The following BABAM2 variants were observed in gnomAD, a reference collection of about 807,000 sequenced individuals.
BABAM2 encodes the protein BRISC and BRCA1-A complex member 2.
A neutral mutation model predicts 54.7 loss-of-function variants in BABAM2; 31 were observed. The observed-to-expected ratio is 0.57, with a 90% CI of 0.43 to 0.77. The LOEUF is 0.77. Among genes scored for constraint, BABAM2 ranks in the 30% least tolerant of loss-of-function variants. The probability of loss-of-function intolerance (pLI) is 0.00; values close to 1 mark genes in which losing one functional copy is unlikely to be tolerated. For missense variants in BABAM2, 364 were observed against 455.8 expected, an observed-to-expected ratio of 0.80 and a Z score of 1.83; for synonymous variants, 167 against 162.9, an observed-to-expected ratio of 1.03 and a Z score of -0.19.
chr2:28,173,612 C>T (rs1193404237), intron 7 of BABAM2, among the ~76,000 whole-genome samples: 1 of 152,264 alleles, frequency 6.6e-6, no homozygotes, highest in Admixed American at 6.5e-5. Flanking sequence ...CAGGATCACA[C>T]TGCGTGTGGC....
intron 5 of BABAM2, among the ~76,000 whole-genome samples, chr2:28,036,985 A>G (rs1170088048): frequency 6.6e-6 from 1 of 152,232 alleles, no homozygotes; most frequent in African/African-American, 2.4e-5. Context: ...GTATGTGCTC[A>G]GTAAATATTT....
intron 3 of BABAM2, among the ~76,000 whole-genome samples, chr2:27,983,960 T>G (rs1364693730): frequency 1.4e-5 from 2 of 143,810 alleles, no homozygotes; most frequent in Non-Finnish European, 3.0e-5. Flanking sequence ...TTTTTTTTTT[T>G]TGCCAAATTG....
intron 7 of BABAM2, among the ~76,000 whole-genome samples, chr2:28,226,440 C>T (rs915209691): frequency 3.3e-5 from 5 of 151,948 alleles, no homozygotes; most frequent in Admixed American, 6.6e-5. Context: ...GTCTAATATG[C>T]TTGGCATTAT....
chr2:28,216,177 C>T (rs1679902190), intron 7 of BABAM2, among the ~76,000 whole-genome samples: 2 of 152,100 alleles, frequency 1.3e-5, no homozygotes, highest in Admixed American at 1.3e-4. Flanking sequence ...TGTTTAATTG[C>T]CATATTTTAA....
At chr2:28,279,100 G>C (rs1686124010) in intron 10 of BABAM2, among the ~76,000 whole-genome samples, 2 of 152,212 alleles carry the variant, frequency 1.3e-5, no homozygotes, top group Non-Finnish European at 2.9e-5. Flanking sequence ...TCAGCATGAT[G>C]AGAAGGAGCC....
At position 27,995,526 on chromosome 2, in the gene BABAM2, C is replaced by T. The variant is rs191643894; in HGVS notation, c.300+7439C>T. On this transcript the variant is annotated intron_variant, in intron 4 of 11. Coordinates refer to ENST00000379624, the MANE Select transcript of BABAM2 (RefSeq NM_199191.3). The surrounding 1 kb of genome is among the most constrained non-coding windows in gnomAD (Gnocchi z 4.1). The stretch of plus-strand genomic sequence containing the variant: ...AATAGCACAACTAGATAATGGCAAA[C>T]TTATCTTCCAGTTTATTATTTTTCC... 1.5e-3 allele frequency among the ~76,000 whole-genome samples: 232 copies of T among 152,188 alleles called. 3 individuals are homozygous for T. The highest frequency in any genetic ancestry group is 2.7e-3 in the Non-Finnish European group (186 of 67,994).
chr2:28,246,374 G>T (rs534562883), intron 10 of BABAM2, among the ~76,000 whole-genome samples: 1 of 152,222 alleles, frequency 6.6e-6, no homozygotes. Context: ...TTACGACCTT[G>T]GTCCCAGTGA....
intron 3 of BABAM2, among the ~76,000 whole-genome samples, chr2:27,946,602 T>C (rs1193282742): frequency 1.3e-5 from 2 of 151,462 alleles, no homozygotes; most frequent in African/African-American, 4.9e-5. Flanking sequence ...AATTCACCAA[T>C]GAAGCCATCT....
intron 6 of BABAM2, among the ~76,000 whole-genome samples, chr2:28,096,021 T>C (rs1277406366): frequency 1.3e-5 from 2 of 152,196 alleles, no homozygotes; most frequent in Non-Finnish European, 2.9e-5. Flanking sequence ...TGGATTCAAA[T>C]CTGGATTAGC....
intron 7 of BABAM2, among the ~76,000 whole-genome samples, chr2:28,187,937 G>T (rs901317369): frequency 3.3e-5 from 5 of 151,948 alleles, no homozygotes; most frequent in Admixed American, 3.3e-4. Flanking sequence ...CAAAGTGCTG[G>T]GATTACAGGT....
chr2:28,269,890 A>G (rs1685279347), intron 10 of BABAM2, among the ~76,000 whole-genome samples: 1 of 151,984 alleles, frequency 6.6e-6, no homozygotes, highest in South Asian at 2.1e-4. Flanking sequence ...CAGGAGCTCT[A>G]ATAGTATTTG....
intron 7 of BABAM2, among the ~76,000 whole-genome samples, chr2:28,131,175 G>A (rs868189760): frequency 0.08 from 2,272 of 28,520 alleles, 803 homozygotes; most frequent in African/African-American, 0.27. Flanking sequence ...TCCGCCTCCC[G>A]GGTTCACGCC....
chr2:28,310,001 A>G (rs781536910), intron 11 of BABAM2: 5 of 1,451,920 alleles, frequency 3.4e-6, no homozygotes, highest in Non-Finnish European at 3.9e-6. Flanking sequence ...AAAGCAAATC[A>G]TATAAATAAC....
At chr2:27,897,576 A>T (rs1213191650) in intron 2 of BABAM2, among the ~76,000 whole-genome samples, 1 of 151,756 alleles carries the variant, frequency 6.6e-6, no homozygotes, top group Non-Finnish European at 1.5e-5. Context: ...TATACACATT[A>T]GGGGATTTAT....
intron 2 of BABAM2, among the ~76,000 whole-genome samples, chr2:27,925,084 A>T (rs1004068364): frequency 6.6e-5 from 10 of 152,134 alleles, no homozygotes; most frequent in African/African-American, 2.4e-4. Context: ...TATAATTTTG[A>T]CTTGAGTGTG....
chr2:28,021,723 CTT>C (rs1225462867), intron 4 of BABAM2, among the ~76,000 whole-genome samples: 11 of 151,890 alleles, frequency 7.2e-5, no homozygotes, highest in Non-Finnish European at 1.2e-4. Flanking sequence ...GTACCTTATC[CTT>C]TTATTAGTTG....
At chr2:28,242,292 C>A (rs1199788237) in intron 9 of BABAM2, among the ~76,000 whole-genome samples, 1 of 152,170 alleles carries the variant, frequency 6.6e-6, no homozygotes, top group African/African-American at 2.4e-5. Context: ...AAAGCAAGCA[C>A]CGATAGGGGA....
intron 6 of BABAM2, among the ~76,000 whole-genome samples, chr2:28,048,047 A>G (rs989687535): frequency 3.9e-5 from 6 of 152,244 alleles, no homozygotes; most frequent in African/African-American, 7.2e-5. Context: ...CCTATAATTG[A>G]TAGTCTAACT....
intron 3 of BABAM2, among the ~76,000 whole-genome samples, chr2:27,982,717 A>G (rs1293073122): frequency 9.9e-5 from 15 of 152,062 alleles, no homozygotes; most frequent in Admixed American, 9.8e-4. Flanking sequence ...GGTGTTTCGT[A>G]TAAGTGGAGT....
Sources: gnomAD v4.1 joint callset for allele counts (sites outside exome capture counted in the v4.1 genomes callset) on GRCh38, gnomAD v4.1.1 for gene constraint, Gnocchi (gnomAD v3.1) non-coding constraint, MANE v1.5 for transcripts, NCBI Gene and HGNC (gene_info 2026-07-23, HGNC 2026-07-21) for gene names.